Variants in ASPM observed in about 807,000 individuals in gnomAD.
ASPM encodes assembly factor for spindle microtubules, also known as abnormal spindle-like microcephaly-associated protein.
ASPM carries 256 observed loss-of-function variants against 366.4 expected under a neutral mutation model. That is an observed-to-expected ratio of 0.70 (90% CI 0.63 to 0.77). ASPM has a LOEUF of 0.77. Ranked by LOEUF, ASPM falls within the 30% of genes least tolerant of loss-of-function variation. The pLI is 0.00. For missense variants in ASPM, 4,146 were observed against 4,090.4 expected (o/e 1.01, Z -0.37); for synonymous variants, 1,414 against 1,342.9 (o/e 1.05, Z -1.16).
intron 8 of ASPM, 129 bp from the exon 9 acceptor site, chr1:197,129,446 A>C (rs1031274313): frequency 1.0e-6 from 1 of 988,492 alleles, no homozygotes; most frequent in Non-Finnish European, 1.5e-6. Flanking sequence ...CAAATAAAAC[A>C]CTATGTGCCT....
At chr1:197,097,488 C>G (rs1038609320) in intron 18 of ASPM, among the ~76,000 whole-genome samples, 40 of 151,486 alleles carry the variant, frequency 2.6e-4, no homozygotes, top group African/African-American at 9.2e-4. Context: ...TTAATTATCC[C>G]GCAGCACAAC....
intron 7 of ASPM, among the ~76,000 whole-genome samples, chr1:197,130,617 CA>C (rs1658227896): frequency 6.6e-6 from 1 of 152,066 alleles, no homozygotes; most frequent in South Asian, 2.1e-4. Flanking sequence ...CCTACATTGA[CA>C]AAATATAAAG....
Position 197,137,097 on chromosome 1 carries a change from T to C in ASPM, c.2027-1855A>G, listed in dbSNP as rs188310871. Among the ~76,000 whole-genome samples, 168 of 152,280 alleles carry C rather than the reference T, an allele frequency of 1.1e-3. No individual in the cohort carries two copies. The South Asian group carries it at 0.016, about 15-fold the overall frequency. Reference sequence around the variant, plus strand: ...TATTATTTTTAGATATGGAATAATATTGGTGATTTCAATTTTAATAACATT... The same window carrying C: ...TATTATTTTTAGATATGGAATAATACTGGTGATTTCAATTTTAATAACATT... On this transcript the variant is annotated intron_variant, in intron 4 of 27. Transcript: ENST00000367409.
chr1:197,140,267 T>C (rs1267875083), intron 3 of ASPM, among the ~76,000 whole-genome samples: 2 of 152,242 alleles, frequency 1.3e-5, no homozygotes, highest in Non-Finnish European at 2.9e-5. Flanking sequence ...GGGAATCTAC[T>C]TGAGTTAACT....
chr1:197,092,479 C>T (rs545790893), intron 21 of ASPM, among the ~76,000 whole-genome samples: 5 of 151,962 alleles, frequency 3.3e-5, no homozygotes, highest in Non-Finnish European at 7.4e-5. Context: ...AGCATAAGAC[C>T]CTGCAGAAGG....
chr1:197,115,543 T>A (rs556760980), intron 17 of ASPM, among the ~76,000 whole-genome samples: 1 of 152,258 alleles, frequency 6.6e-6, no homozygotes, highest in Non-Finnish European at 1.5e-5. Context: ...TCACTATATA[T>A]TGCATCCATA....
intron 6 of ASPM, among the ~76,000 whole-genome samples, chr1:197,132,709 G>A (rs1044622073): frequency 1.3e-5 from 2 of 150,240 alleles, no homozygotes; most frequent in South Asian, 4.2e-4. Flanking sequence ...GAAAATGTGG[G>A]GTATGTGTAT....
chr1:197,091,073 T>A (rs1431076545), intron 22 of ASPM, 32 bp from the exon 23 acceptor site: 15 of 1,539,006 alleles, frequency 9.7e-6, no homozygotes, highest in Non-Finnish European at 1.3e-5. Context: ...GTTTTTCATT[T>A]CTACTTCAGG....
rs764038476 is a variant in ASPM at position 197,100,573 on chromosome 1, T to C, written c.8678A>G (p.Tyr2893Cys). The C allele has an allele frequency of 1.9e-6, 3 of 1,611,948 alleles. No homozygotes were observed. In the South Asian group the frequency reaches 3.3e-5, roughly 18 times the overall value. The change falls in exon 18 of 28, where the codon TAC becomes TGC. Residue 2893 changes from tyrosine (Y) to cysteine (C), a missense_variant. Around this residue, in one of 3 missense-constraint regions of ASPM, gnomAD observed 3,624 missense variants for 3,591.7 expected, o/e 1.01. Transcript: ENST00000367409. ...RKAAVVLQNH[Y>C]RAFLSAKHQR... ...ATGTTTTGCAGACAGAAATGCTCTG[T>C]AGTGATTTTGTAAAACCACTGCTGC...
chr1:197,101,135 CTT>C lies in ASPM; in HGVS notation c.8114_8115del (p.Lys2705SerfsTer2). The stretch of plus-strand genomic sequence containing the variant: ...GCAGTTTTCTTTGTTTCATAATCAA[CTT>C]TGGCCCTGTGCATTCGATAGAATGA... ...IQSFYRMHRAKVDYETKKTAI... is the reference protein window; with the variant it reads ...IQSFYRMHRAXVDYETKKTAI... On this transcript the variant is annotated frameshift_variant, in exon 18 of 28. Transcript: ENST00000367409. LOFTEE classifies it high-confidence loss of function. 1 of 1,612,266 alleles carries C rather than the reference CTT, an allele frequency of 6.2e-7. No individual in the cohort carries two copies. The highest frequency in any genetic ancestry group is 8.5e-7 in the Non-Finnish European group (1 of 1,179,016).
chr1:197,090,757 T>C (rs1215595231), intron 23 of ASPM, 93 bp downstream of exon 23: 7 of 1,227,620 alleles, frequency 5.7e-6, no homozygotes, highest in Non-Finnish European at 7.1e-6. Flanking sequence ...CGTTAGCTTT[T>C]TAAAATGGTA....
In ASPM at chr1:197,134,827, A is replaced by C. The variant is rs142033276; in HGVS notation, c.2173+269T>G. Among the ~76,000 whole-genome samples the C allele has an allele frequency of 5.9e-3, 892 of 152,360 alleles. 10 individuals carry two copies. The highest frequency in any genetic ancestry group is 0.02 in the African/African-American group (842 of 41,588). On this transcript the variant is annotated intron_variant, in intron 5 of 27. Coordinates refer to ENST00000367409, the MANE Select transcript of ASPM (RefSeq NM_018136.5). Reference sequence around the variant, plus strand: ...ATTGAACAGTGGGGACAATATGCCCAAAGTGGGCAGGCCACACGGGACTGA... The same window carrying C: ...ATTGAACAGTGGGGACAATATGCCCCAAGTGGGCAGGCCACACGGGACTGA...
chr1:197,142,261 G>C, intron 3 of ASPM, 70 bp downstream of exon 3: 1 of 1,517,424 alleles, frequency 6.6e-7, no homozygotes, highest in Non-Finnish European at 9.1e-7. Flanking sequence ...ATCAATAGCA[G>C]ATTTACTAAA....
Position 197,124,125 on chromosome 1 carries a change from G to A in ASPM, c.3375C>T (p.Ala1125=). Residue 1125 remains alanine (A), a synonymous_variant, in exon 13 of 28, where the codon GCC becomes GCT. Coordinates refer to ENST00000367409, the MANE Select transcript of ASPM (RefSeq NM_018136.5). Reference sequence around the variant, plus strand: ...AGAAACTTACCTTTTTATTATAGAAGGCACAAACAGCATTTACCCAATCCA... The same window carrying A: ...AGAAACTTACCTTTTTATTATAGAAAGCACAAACAGCATTTACCCAATCCA... ...LLMDWVNAVC[A]FYNKKVENFT... The A allele has an allele frequency of 2.5e-6, 4 of 1,609,258 alleles. No homozygotes were observed. Among genetic ancestry groups the A allele is most frequent in the Middle Eastern group, 3.3e-4 (2 of 6,026 alleles).
chr1:197,128,189 A>G (rs1658146830), intron 10 of ASPM, among the ~76,000 whole-genome samples: 1 of 151,892 alleles, frequency 6.6e-6, no homozygotes, highest in Admixed American at 6.6e-5. Context: ...TGTTATTTCA[A>G]TGTTTGATAT....
At chr1:197,128,377 C>T (rs1571619211) in intron 10 of ASPM, 113 bp downstream of exon 10, 1 of 942,266 alleles carries the variant, frequency 1.1e-6, no homozygotes, top group Non-Finnish European at 1.6e-6. Context: ...TTTTTCAGTA[C>T]TAAATTTATT....
chr1:197,095,017 G>C (rs1453858345), intron 19 of ASPM, among the ~76,000 whole-genome samples: 1 of 151,616 alleles, frequency 6.6e-6, no homozygotes, highest in Admixed American at 6.6e-5. Flanking sequence ...TTTGATTCAA[G>C]CACACAATGA....
intron 19 of ASPM, 110 bp from the exon 20 acceptor site, chr1:197,094,290 C>A (rs1656891855): frequency 2.9e-6 from 2 of 687,576 alleles, no homozygotes; most frequent in Admixed American, 2.7e-5. Context: ...ATAAGAAAGG[C>A]AATGACAGAA....
Position 197,100,532 on chromosome 1 carries a change from AAT to A in ASPM, c.8717_8718del (p.Tyr2906PhefsTer13). ...ATGATAACACTGCTTCTGATCTGTAAATAGACTTGTCTTTGATGTTTTGCAGA... is the reference window on the plus strand; with the variant it reads ...ATGATAACACTGCTTCTGATCTGTAAAGACTTGTCTTTGATGTTTTGCAGA... Reference protein sequence around the residue: ...FLSAKHQRQVYLQIRSSVIII... With the variant: ...FLSAKHQRQVXLQIRSSVIII... On this transcript the variant is annotated frameshift_variant, in exon 18 of 28. Coordinates refer to ENST00000367409, the MANE Select transcript of ASPM (RefSeq NM_018136.5). LOFTEE classifies it high-confidence loss of function. 1 of 1,611,522 alleles carries A rather than the reference AAT, an allele frequency of 6.2e-7. No individual in the cohort carries two copies. Among genetic ancestry groups the A allele is most frequent in the Non-Finnish European group, 8.5e-7 (1 of 1,178,502 alleles).
Sources: allele counts gnomAD v4.1 joint callset (sites outside exome capture counted in the v4.1 genomes callset), GRCh38; gene constraint gnomAD v4.1.1; regional missense constraint gnomAD v4.1.1; transcripts MANE v1.5; gene names NCBI Gene and HGNC (gene_info 2026-07-23, HGNC 2026-07-21).